Variants in CATSPERD observed in about 807,000 individuals in gnomAD.
CATSPERD encodes cation channel sperm-associated auxiliary subunit delta.
CATSPERD carries 86 observed loss-of-function variants against 98.1 expected under a neutral mutation model. The ratio of observed to expected loss-of-function variants is 0.88; its 90% confidence interval spans 0.74 to 1.05. CATSPERD has a LOEUF of 1.05. Among genes scored for constraint, CATSPERD ranks in the 50% least tolerant of loss-of-function variants. The probability of loss-of-function intolerance (pLI) is 0.00; values close to 1 mark genes in which losing one functional copy is unlikely to be tolerated. For synonymous variants in CATSPERD, 394 were observed against 390.2 expected (o/e 1.01, Z -0.12); for missense variants, 995 against 1,005.7 (o/e 0.99, Z 0.14).
At chr19:5,720,846 GGGGGTC>G in intron 1 of CATSPERD, 38 bp downstream of exon 1, 1 of 1,560,588 alleles carries the variant, frequency 6.4e-7, no homozygotes, top group Middle Eastern at 1.7e-4. Context: ...GGGTGCTGCC[GGGGGTC>G]GGGAGGGTGC....
chr19:5,732,891 G>A (rs2055755601), intron 4 of CATSPERD, among the ~76,000 whole-genome samples: 1 of 151,918 alleles, frequency 6.6e-6, no homozygotes, highest in Non-Finnish European at 1.5e-5. Flanking sequence ...TTGGCCAGCT[G>A]GTATTGAACT....
intron 13 of CATSPERD, among the ~76,000 whole-genome samples, chr19:5,754,748 G>A (rs2056293574): frequency 6.6e-6 from 1 of 151,898 alleles, no homozygotes; most frequent in Admixed American, 6.6e-5. Context: ...TGGGCGTGAT[G>A]AGGCTGTGGC....
intron 21 of CATSPERD, 24 bp downstream of exon 21, chr19:5,776,339 C>G (rs201944929): frequency 3.7e-6 from 6 of 1,609,860 alleles, no homozygotes; most frequent in Non-Finnish European, 5.1e-6. Context: ...TCTGCCCCTA[C>G]GACAGGGGAC....
At chr19:5,756,322 T>A (rs975227285) in intron 13 of CATSPERD, among the ~76,000 whole-genome samples, 3 of 151,432 alleles carry the variant, frequency 2.0e-5, no homozygotes, top group Non-Finnish European at 2.9e-5. Context: ...AAATAAAAAA[T>A]TTAAAAGTAG....
At chr19:5,740,784 AAAG>A (rs2055946464) in intron 7 of CATSPERD, among the ~76,000 whole-genome samples, 1 of 150,914 alleles carries the variant, frequency 6.6e-6, no homozygotes, top group Admixed American at 6.6e-5. Flanking sequence ...AAAAAAAAAA[AAAG>A]CTAGCGCCCA....
chr19:5,776,307 G>T lies in CATSPERD; in HGVS notation c.2088G>T (p.Pro696=). ...FYVFYISIVD[P]YYSYCQLETI... Reference sequence around the variant, plus strand: ...TCTTCTACATTTCGATCGTGGATCCGTACTACAGGTGAGTGGGCCCATCTG... The same window carrying T: ...TCTTCTACATTTCGATCGTGGATCCTTACTACAGGTGAGTGGGCCCATCTG... Residue 696 remains proline, a synonymous_variant, in exon 21 of 22, where the codon CCG becomes CCT. Transcript: ENST00000381624. The T allele has an allele frequency of 6.2e-7, 1 of 1,614,118 alleles. No homozygotes were observed.
chr19:5,763,172 A>G (rs886605597), intron 15 of CATSPERD, 43 bp from the exon 16 acceptor site: 3 of 1,468,010 alleles, frequency 2.0e-6, no homozygotes, highest in South Asian at 1.1e-5. Context: ...TGTCGTTTAC[A>G]GGGGTGCTAT....
intron 4 of CATSPERD, among the ~76,000 whole-genome samples, chr19:5,733,441 C>G (rs926957804): frequency 6.8e-6 from 1 of 147,096 alleles, no homozygotes; most frequent in African/African-American, 2.5e-5. Flanking sequence ...TCCTTTCTTT[C>G]TTTCTTTCTC....
intron 3 of CATSPERD, among the ~76,000 whole-genome samples, chr19:5,728,705 C>CTCT (rs535356957): frequency 1.2e-4 from 17 of 145,106 alleles, no homozygotes; most frequent in Non-Finnish European, 1.4e-4. Context: ...CTCTCTCTCT[C>CTCT]TTTTTTTTTT....
chr19:5,771,695 C>T (rs1048857157), intron 19 of CATSPERD, among the ~76,000 whole-genome samples: 4 of 151,892 alleles, frequency 2.6e-5, no homozygotes, highest in Non-Finnish European at 5.9e-5. Context: ...CTCAGCCTCC[C>T]GAGTATCTGG....
At chr19:5,767,944 G>A (rs183773186) in intron 17 of CATSPERD, among the ~76,000 whole-genome samples, 1 of 152,088 alleles carries the variant, frequency 6.6e-6, no homozygotes, top group Non-Finnish European at 1.5e-5. Flanking sequence ...TTAGAGGCGC[G>A]TGATGCCACG....
chr19:5,749,348 C>T (rs573161012), intron 11 of CATSPERD, among the ~76,000 whole-genome samples, 165 bp downstream of exon 11: 6 of 151,964 alleles, frequency 3.9e-5, no homozygotes, highest in Admixed American at 2.0e-4. Flanking sequence ...AAAAATTAGC[C>T]GAGCCTGGTG....
intron 5 of CATSPERD, among the ~76,000 whole-genome samples, chr19:5,736,073 G>A (rs1482431228): frequency 3.9e-5 from 6 of 151,986 alleles, no homozygotes; most frequent in Middle Eastern, 3.4e-3. Context: ...CACTGTGCCC[G>A]GCCTAATTTT....
intron 9 of CATSPERD, among the ~76,000 whole-genome samples, chr19:5,747,121 A>G (rs2056108991): frequency 6.7e-6 from 1 of 149,450 alleles, no homozygotes; most frequent in Non-Finnish European, 1.5e-5. Context: ...TGGATATTAC[A>G]GCTCTGAGCC....
rs111368655 is a variant in CATSPERD at position 5,724,029 on chromosome 19, G to A, written c.72-779G>A. 3.6e-3 allele frequency among the ~76,000 whole-genome samples: 554 copies of A among 152,132 alleles called. 3 individuals are homozygous for A. Among genetic ancestry groups the A allele is most frequent in the African/African-American group, 0.012 (508 of 41,530 alleles). The stretch of plus-strand genomic sequence containing the variant: ...GCTGGTCTCGAAGTCCCAACCTCAG[G>A]TGATCCACCCGCTTTGGCCTCCCAA... On this transcript the variant is annotated intron_variant, in intron 1 of 21. Transcript: ENST00000381624.
chr19:5,762,326 AGT>A (rs1172608478), intron 15 of CATSPERD, among the ~76,000 whole-genome samples: 2 of 151,756 alleles, frequency 1.3e-5, no homozygotes, highest in South Asian at 2.1e-4. Context: ...GGCCTCCCAA[AGT>A]GCTGAGATTA....
At chr19:5,724,935 A>G (rs2055575682) in intron 2 of CATSPERD, 73 bp downstream of exon 2, 3 of 1,377,780 alleles carry the variant, frequency 2.2e-6, no homozygotes, top group Non-Finnish European at 3.1e-6. Flanking sequence ...ACTTCCTGGT[A>G]TTTCTTGGGT....
At chr19:5,768,523 A>G (rs2056586518) in intron 18 of CATSPERD, among the ~76,000 whole-genome samples, 1 of 151,688 alleles carries the variant, frequency 6.6e-6, no homozygotes, top group African/African-American at 2.4e-5. Context: ...TTTTTAGTAG[A>G]GATGAGGTTT....
chr19:5,731,091 CAAAA>C (rs762460181), intron 4 of CATSPERD, among the ~76,000 whole-genome samples: 2 of 75,102 alleles, frequency 2.7e-5, no homozygotes, highest in Non-Finnish European at 5.5e-5. Flanking sequence ...GACTCCGTCT[CAAAA>C]AAAAAAAAAA....
Sources: allele counts gnomAD v4.1 joint callset (sites outside exome capture counted in the v4.1 genomes callset), GRCh38; gene constraint gnomAD v4.1.1; transcripts MANE v1.5; gene names NCBI Gene and HGNC (gene_info 2026-07-23, HGNC 2026-07-21).